Variants in RYR3 observed in about 807,000 individuals in gnomAD.
RYR3 encodes the protein ryanodine receptor 3.
A neutral mutation model predicts 584.3 loss-of-function variants in RYR3; 207 were observed. The observed-to-expected ratio is 0.35, with a 90% CI of 0.32 to 0.40. The LOEUF (loss-of-function observed/expected upper bound fraction) is 0.40, where lower values mean the gene tolerates loss of function less well. Ranked by LOEUF, RYR3 falls within the 10% of genes least tolerant of loss-of-function variation. The pLI, the probability that RYR3 is intolerant of heterozygous loss-of-function variation, is 1.00. For synonymous variants in RYR3, 2,416 were observed against 2,248.5 expected, an observed-to-expected ratio of 1.07 and a Z score of -2.11; for missense variants, 5,616 against 6,089.2, an observed-to-expected ratio of 0.92 and a Z score of 2.59.
At chr15:33,453,951 T>A (rs1446423580) in intron 1 of RYR3, among the ~76,000 whole-genome samples, 1 of 152,168 alleles carries the variant, frequency 6.6e-6, no homozygotes, top group Non-Finnish European at 1.5e-5. Flanking sequence ...TTGACTTGTT[T>A]TGAATGAAGA....
chr15:33,582,816 G>C (rs1485426322), intron 14 of RYR3, among the ~76,000 whole-genome samples: 1 of 152,154 alleles, frequency 6.6e-6, no homozygotes, highest in Non-Finnish European at 1.5e-5. Flanking sequence ...GACTGAAGAT[G>C]CAAAGCTGAG....
intron 1 of RYR3, among the ~76,000 whole-genome samples, chr15:33,333,840 G>T (rs913649484): frequency 6.6e-6 from 1 of 152,198 alleles, no homozygotes; most frequent in African/African-American, 2.4e-5. Context: ...AGCAGCTTCA[G>T]TAAAGTCTCA....
chr15:33,717,989 T>C (rs983090181), intron 43 of RYR3, among the ~76,000 whole-genome samples: 4 of 152,334 alleles, frequency 2.6e-5, no homozygotes, highest in African/African-American at 9.6e-5. Flanking sequence ...GGTATGTCCT[T>C]ACTATTTGGA....
chr15:33,675,919 A>G (rs1448377387), intron 38 of RYR3, among the ~76,000 whole-genome samples: 1 of 152,136 alleles, frequency 6.6e-6, no homozygotes, highest in Non-Finnish European at 1.5e-5. Context: ...ATTTCATCGC[A>G]GTGCTCTGGG....
chr15:33,794,161 A>G (rs1490544046), intron 67 of RYR3, among the ~76,000 whole-genome samples: 2 of 101,956 alleles, frequency 2.0e-5, no homozygotes, highest in Non-Finnish European at 4.0e-5. Flanking sequence ...TATAATATAT[A>G]ATATATACAA....
intron 31 of RYR3, among the ~76,000 whole-genome samples, chr15:33,651,280 C>G (rs1224118315): frequency 2.0e-5 from 3 of 152,206 alleles, no homozygotes; most frequent in Non-Finnish European, 4.4e-5. Flanking sequence ...CTTCACATTC[C>G]CACAGCTTTA....
intron 86 of RYR3, 62 bp from the exon 87 acceptor site, chr15:33,834,906 T>G: frequency 1.5e-6 from 2 of 1,332,678 alleles, no homozygotes; most frequent in Non-Finnish European, 2.1e-6. Flanking sequence ...ATGCCCTTAC[T>G]AGACAGGTTT....
intron 64 of RYR3, among the ~76,000 whole-genome samples, chr15:33,779,734 G>A (rs1247641511): frequency 6.6e-6 from 1 of 152,158 alleles, no homozygotes; most frequent in Non-Finnish European, 1.5e-5. Flanking sequence ...CGGGCGTGGT[G>A]GCTCACGCCT....
intron 1 of RYR3, among the ~76,000 whole-genome samples, chr15:33,316,668 G>A (rs956718314): frequency 4.6e-5 from 7 of 152,180 alleles, no homozygotes; most frequent in East Asian, 1.9e-4. Context: ...TAGAACCTGC[G>A]TTAACAGAAG....
chr15:33,396,517 A>T (rs16970544), intron 1 of RYR3, among the ~76,000 whole-genome samples: 12,781 of 152,210 alleles, frequency 0.084, 726 homozygotes, highest in African/African-American at 0.16. Flanking sequence ...CTGTCTTTAG[A>T]TGAGAGATCT....
intron 43 of RYR3, among the ~76,000 whole-genome samples, chr15:33,715,173 G>A (rs1049729206): frequency 6.6e-6 from 1 of 152,170 alleles, no homozygotes; most frequent in African/African-American, 2.4e-5. Context: ...GCTTTGAAGG[G>A]CATACAAGGT....
In RYR3 at chr15:33,424,767, T is replaced by C. The variant is rs560783214; in HGVS notation, c.52-48652T>C. Among the ~76,000 whole-genome samples the C allele has an allele frequency of 2.5e-4, 38 of 152,322 alleles. 1 individual carries two copies. In the South Asian group the frequency reaches 7.9e-3, roughly 32 times the overall value. On this transcript the variant is annotated intron_variant, in intron 1 of 103. Coordinates refer to ENST00000634891, the MANE Select transcript of RYR3 (RefSeq NM_001036.6). The stretch of plus-strand genomic sequence containing the variant: ...GAACTCTTCTGTGTCTTATTTATCT[T>C]ATTTATCATATCTTATTTATATGAT...
chr15:33,540,263 A>G (rs118184000), intron 6 of RYR3, among the ~76,000 whole-genome samples: 10 of 152,254 alleles, frequency 6.6e-5, no homozygotes, highest in South Asian at 2.1e-4. Context: ...AAAATGTACA[A>G]TGTTTCAGGA....
intron 1 of RYR3, among the ~76,000 whole-genome samples, chr15:33,374,007 A>G (rs948307825): frequency 6.6e-6 from 1 of 152,198 alleles, no homozygotes; most frequent in Non-Finnish European, 1.5e-5. Flanking sequence ...TCCCTTCCTC[A>G]CAGTGCCTGG....
chr15:33,730,431 G>A (rs755356617), intron 47 of RYR3, among the ~76,000 whole-genome samples: 95 of 152,202 alleles, frequency 6.2e-4, no homozygotes, highest in African/African-American at 1.3e-3. Flanking sequence ...GTCCTTTCTC[G>A]TTTTAAGTCT....
rs1302867424 is a variant in RYR3, at chr15:33,311,352, C to T, written c.51+256C>T. On this transcript the variant is annotated intron_variant, in intron 1 of 103. Transcript: ENST00000634891. This position sits in a 1 kb window ranked among gnomAD's most constrained non-coding sequence, Gnocchi z 4.4. ...GCCCCAGGCCCTCCACCTAGGACCG[C>T]TCGCTCTCCAGGCAACTTGCTACTT... Among the ~76,000 whole-genome samples the T allele has an allele frequency of 6.6e-6, 1 of 152,250 alleles. No homozygotes were observed. The highest frequency in any genetic ancestry group is 1.5e-5 in the Non-Finnish European group (1 of 68,044).
chr15:33,864,083 C>A (rs11072759), intron 102 of RYR3, 55 bp from the exon 103 acceptor site: 9 of 1,332,526 alleles, frequency 6.8e-6, no homozygotes, highest in African/African-American at 4.5e-5. Context: ...TTAATCCATG[C>A]GAATGAACTT....
intron 35 of RYR3, among the ~76,000 whole-genome samples, chr15:33,663,273 G>C (rs1485818156): frequency 6.6e-6 from 1 of 152,180 alleles, no homozygotes; most frequent in African/African-American, 2.4e-5. Context: ...GCATGATCTG[G>C]AGCTGGTTTT....
intron 92 of RYR3, among the ~76,000 whole-genome samples, chr15:33,844,517 G>T: frequency 6.6e-6 from 1 of 152,192 alleles, no homozygotes; most frequent in East Asian, 1.9e-4. Flanking sequence ...CATCCTTCAC[G>T]CTTGTGTGTG....
Sources: gnomAD v4.1 joint callset for allele counts (sites outside exome capture counted in the v4.1 genomes callset) on GRCh38, gnomAD v4.1.1 for gene constraint, Gnocchi (gnomAD v3.1) non-coding constraint, MANE v1.5 for transcripts, NCBI Gene and HGNC (gene_info 2026-07-23, HGNC 2026-07-21) for gene names.